UNC5C: variants seen among roughly 807,000 people sequenced by gnomAD.
UNC5C encodes netrin receptor UNC5C.
Under a neutral mutation model 99.8 loss-of-function variants are expected in UNC5C, and 47 were observed. The observed-to-expected ratio is 0.47, with a 90% confidence interval of 0.37 to 0.60. The LOEUF (loss-of-function observed/expected upper bound fraction) is 0.60, where lower values mean the gene tolerates loss of function less well. Among genes scored for constraint, UNC5C ranks in the 20% least tolerant of loss-of-function variants. The pLI is 0.00. For synonymous variants in UNC5C, 487 were observed against 452.2 expected (o/e 1.08, Z -0.98); for missense variants, 1,062 against 1,165.9 (o/e 0.91, Z 1.30).
intron 14 of UNC5C, among the ~76,000 whole-genome samples, chr4:95,176,908 G>A (rs1483152546): frequency 6.6e-6 from 1 of 152,116 alleles, no homozygotes; most frequent in Middle Eastern, 3.2e-3. Flanking sequence ...TGTGGGCGTA[G>A]GACCCTCCGA....
chr4:95,241,136 C>T (rs922697672), intron 7 of UNC5C, among the ~76,000 whole-genome samples: 5 of 152,016 alleles, frequency 3.3e-5, no homozygotes, highest in African/African-American at 1.2e-4. Context: ...TGGTATGTTG[C>T]TATTTTAATC....
chr4:95,275,445 A>T (rs1274675322), intron 4 of UNC5C, among the ~76,000 whole-genome samples: 1 of 152,182 alleles, frequency 6.6e-6, no homozygotes, highest in African/African-American at 2.4e-5. Context: ...CTGCAAAGAC[A>T]CTATTATTAT....
rs1553966177 is a variant in UNC5C at position 95,356,224 on chromosome 4, A to AAAAC, written c.125-20594_125-20593insGTTT. ...AAAAAAAAAAAAAACAAAACAAAAA[A>AAAAC]AAAACAGATTCCTCGTTCTTCCTCA... On this transcript the variant is annotated intron_variant, in intron 1 of 15. Transcript: ENST00000453304. 5.2e-4 allele frequency among the ~76,000 whole-genome samples: 66 copies of AAAAC among 127,524 alleles called. 4 individuals are homozygous for AAAAC. The highest frequency in any genetic ancestry group is 9.7e-4 in the African/African-American group (30 of 30,980). The allele number at this position is 127,524 out of a possible 152,430, so 83.7% of individuals were successfully genotyped here.
chr4:95,467,831 T>C (rs1171070343), intron 1 of UNC5C, among the ~76,000 whole-genome samples: 1 of 152,208 alleles, frequency 6.6e-6, no homozygotes, highest in Non-Finnish European at 1.5e-5. Flanking sequence ...ATATATTGTA[T>C]GTTATATATA....
At chr4:95,524,626 A>T (rs6419135) in intron 1 of UNC5C, among the ~76,000 whole-genome samples, 137,892 of 152,210 alleles carry the variant, frequency 0.91, 62,561 homozygotes, top group Non-Finnish European at 0.92. Flanking sequence ...TGCTCTCCAG[A>T]TCACCACACT....
intron 12 of UNC5C, among the ~76,000 whole-genome samples, chr4:95,191,459 G>A (rs1343868687): frequency 6.6e-6 from 1 of 152,050 alleles, no homozygotes; most frequent in East Asian, 1.9e-4. Context: ...GCCAAAAATT[G>A]TGAGGTGCTA....
intron 1 of UNC5C, among the ~76,000 whole-genome samples, chr4:95,442,741 G>A (rs750924741): frequency 1.3e-4 from 20 of 152,020 alleles, no homozygotes; most frequent in African/African-American, 1.9e-4. Context: ...ATAATAATGC[G>A]CCAAATAATT....
At chr4:95,180,782 G>C (rs1351647919) in intron 14 of UNC5C, among the ~76,000 whole-genome samples, 2 of 152,308 alleles carry the variant, frequency 1.3e-5, no homozygotes, top group African/African-American at 4.8e-5. Context: ...GCTCATTCCT[G>C]GGAGATAGGA....
intron 1 of UNC5C, among the ~76,000 whole-genome samples, chr4:95,468,268 C>A (rs1174592586): frequency 6.6e-6 from 1 of 151,804 alleles, no homozygotes; most frequent in African/African-American, 2.4e-5. Flanking sequence ...ATAATCAGAA[C>A]CCTTCTGCTA....
chr4:95,445,024 C>T (rs1275656631), intron 1 of UNC5C, among the ~76,000 whole-genome samples: 1 of 151,926 alleles, frequency 6.6e-6, no homozygotes, highest in Admixed American at 6.6e-5. Flanking sequence ...GTCTTGAGTG[C>T]GTCATTTCAG....
At chr4:95,490,180 A>G (rs1721442438) in intron 1 of UNC5C, among the ~76,000 whole-genome samples, 1 of 151,656 alleles carries the variant, frequency 6.6e-6, no homozygotes, top group African/African-American at 2.4e-5. Flanking sequence ...ATGGCAATCA[A>G]GAGATGCACT....
intron 3 of UNC5C, among the ~76,000 whole-genome samples, chr4:95,278,734 C>A (rs141468059): frequency 0.01 from 1,546 of 152,230 alleles, 31 homozygotes; most frequent in African/African-American, 0.035. Flanking sequence ...CCCACCTCAG[C>A]CTCCCAAAGT....
chr4:95,180,349 G>A (rs141612267), intron 14 of UNC5C, among the ~76,000 whole-genome samples: 30 of 152,312 alleles, frequency 2.0e-4, no homozygotes, highest in African/African-American at 6.0e-4. Flanking sequence ...TTTATCATCT[G>A]TCCTCTGCAC....
At chr4:95,547,292 C>G (rs996732329) in intron 1 of UNC5C, among the ~76,000 whole-genome samples, 1 of 152,004 alleles carries the variant, frequency 6.6e-6, no homozygotes, top group Non-Finnish European at 1.5e-5. Context: ...AATTTACTTC[C>G]GAAGAAGCTA....
At chr4:95,212,700 T>A (rs1281758934) in intron 10 of UNC5C, among the ~76,000 whole-genome samples, 1 of 152,112 alleles carries the variant, frequency 6.6e-6, no homozygotes, top group African/African-American at 2.4e-5. Flanking sequence ...ACTGAACGCA[T>A]CCAAACTGGA....
intron 1 of UNC5C, among the ~76,000 whole-genome samples, chr4:95,500,308 G>T (rs1462692268): frequency 1.3e-5 from 2 of 151,900 alleles, no homozygotes; most frequent in African/African-American, 4.8e-5. Flanking sequence ...CTACCCATTT[G>T]GTTTCTTGCC....
chr4:95,365,219 C>T (rs2149436508), intron 1 of UNC5C, among the ~76,000 whole-genome samples: 1 of 148,918 alleles, frequency 6.7e-6, no homozygotes, highest in Admixed American at 6.7e-5. Flanking sequence ...TCTCTTGAAC[C>T]TGGGAGGTGG....
At chr4:95,361,104 A>T (rs1356872588) in intron 1 of UNC5C, among the ~76,000 whole-genome samples, 1 of 152,172 alleles carries the variant, frequency 6.6e-6, no homozygotes, top group Non-Finnish European at 1.5e-5. Flanking sequence ...TTCAGGGTTC[A>T]CAGTGGGGCA....
chr4:95,499,603 C>T, intron 1 of UNC5C, among the ~76,000 whole-genome samples: 1 of 152,056 alleles, frequency 6.6e-6, no homozygotes, highest in South Asian at 2.1e-4. Context: ...CCTACTGACA[C>T]TGATCTGGCG....
Sources: allele counts gnomAD v4.1 joint callset (sites outside exome capture counted in the v4.1 genomes callset), GRCh38; gene constraint gnomAD v4.1.1; transcripts MANE v1.5; gene names NCBI Gene and HGNC (gene_info 2026-07-23, HGNC 2026-07-21).